Variants in KCNN2 observed in about 807,000 individuals in gnomAD.
KCNN2 encodes the protein small conductance calcium-activated potassium channel protein 2.
A neutral mutation model predicts 55.5 loss-of-function variants in KCNN2; 24 were observed. That is an observed-to-expected ratio of 0.43 (90% CI 0.31 to 0.61). The LOEUF is 0.61. KCNN2 is among the 20% of genes least tolerant of loss of function. KCNN2 has a pLI of 0.08. For missense variants in KCNN2, 754 were observed against 853.6 expected, an observed-to-expected ratio of 0.88 and a Z score of 1.45; for synonymous variants, 431 against 336.1, an observed-to-expected ratio of 1.28 and a Z score of -3.09.
chr5:114,265,845 C>A (rs1755199426), intron 2 of KCNN2, among the ~76,000 whole-genome samples: 1 of 152,100 alleles, frequency 6.6e-6, no homozygotes, highest in Admixed American at 6.6e-5. Flanking sequence ...TGACTACTCA[C>A]CCTGTGCTCT....
chr5:114,127,773 C>T (rs1681402465), intron 1 of KCNN2, among the ~76,000 whole-genome samples: 1 of 152,168 alleles, frequency 6.6e-6, no homozygotes, highest in Non-Finnish European at 1.5e-5. Context: ...GCTCTGCTTT[C>T]TCTTGAATGC....
intron 2 of KCNN2, among the ~76,000 whole-genome samples, chr5:114,391,775 T>C (rs1244892926): frequency 6.6e-6 from 1 of 152,322 alleles, no homozygotes; most frequent in Admixed American, 6.5e-5. Context: ...TACTTTCAGC[T>C]GCTCAAGTAA....
At chr5:114,138,393 A>C (rs1443087884) in intron 1 of KCNN2, among the ~76,000 whole-genome samples, 2 of 152,112 alleles carry the variant, frequency 1.3e-5, no homozygotes, top group African/African-American at 4.8e-5. Flanking sequence ...AGAGGGGTTT[A>C]ATATTTTTGA....
chr5:114,293,099 A>G (rs1052797919), intron 2 of KCNN2, among the ~76,000 whole-genome samples: 42 of 152,260 alleles, frequency 2.8e-4, no homozygotes, highest in African/African-American at 9.1e-4. Context: ...GGGCTGAGAC[A>G]ATGGGGTTTT....
intron 1 of KCNN2, among the ~76,000 whole-genome samples, chr5:114,160,488 G>T (rs952627621): frequency 2.0e-5 from 3 of 152,140 alleles, no homozygotes; most frequent in Non-Finnish European, 2.9e-5. Context: ...CTGTTGATTT[G>T]GGGTGGAGAG....
chr5:114,306,253 G>C (rs1756267607), intron 2 of KCNN2, among the ~76,000 whole-genome samples: 1 of 152,192 alleles, frequency 6.6e-6, no homozygotes, highest in Non-Finnish European at 1.5e-5. Flanking sequence ...AGTCTATGTT[G>C]ATCTCTCCAA....
At chr5:114,286,464 A>G (rs1755755700) in intron 2 of KCNN2, among the ~76,000 whole-genome samples, 1 of 152,224 alleles carries the variant, frequency 6.6e-6, no homozygotes, top group South Asian at 2.1e-4. Context: ...TCGATCATCC[A>G]GAGAAGTTAA....
At chr5:114,409,769 T>C (rs963943965) in intron 3 of KCNN2, among the ~76,000 whole-genome samples, 3 of 152,180 alleles carry the variant, frequency 2.0e-5, no homozygotes, top group Admixed American at 2.0e-4. Flanking sequence ...TCTGTATTAA[T>C]GGGGAGAGCA....
chr5:114,168,019 G>A (rs1263056204), intron 1 of KCNN2, among the ~76,000 whole-genome samples: 2 of 152,052 alleles, frequency 1.3e-5, no homozygotes, highest in South Asian at 2.1e-4. Context: ...ATTGCGAGTA[G>A]CATGTGAGTA....
intron 2 of KCNN2, among the ~76,000 whole-genome samples, chr5:114,401,978 T>C (rs1758802528): frequency 1.3e-5 from 2 of 152,056 alleles, no homozygotes; most frequent in South Asian, 4.2e-4. Flanking sequence ...CAATGGAAGA[T>C]AGGAGGAATA....
At chr5:114,068,581 AG>A (rs1194204166) in intron 1 of KCNN2, among the ~76,000 whole-genome samples, 3 of 152,290 alleles carry the variant, frequency 2.0e-5, no homozygotes, top group African/African-American at 7.2e-5. Flanking sequence ...CCTCACACAT[AG>A]CACTCACTGA....
intron 1 of KCNN2, among the ~76,000 whole-genome samples, chr5:114,124,015 G>T (rs1009151292): frequency 1.3e-5 from 2 of 152,138 alleles, no homozygotes; most frequent in Non-Finnish European, 2.9e-5. Flanking sequence ...CACAGAAAAA[G>T]CTAAATCTCA....
rs530194633 is a variant in KCNN2 at position 114,345,807 on chromosome 5, G to A, written c.-184-15138G>A. 9.9e-5 allele frequency among the ~76,000 whole-genome samples: 15 copies of A among 152,200 alleles called. No homozygotes were observed. The East Asian group carries it at 1.4e-3, about 14-fold the overall frequency. On this transcript the variant is annotated intron_variant, in intron 2 of 10. Coordinates refer to the KCNN2 transcript ENST00000512097. Reference sequence around the variant, plus strand: ...TATTTTTTATTTTTTTTGAGATGGAGTTTCGCTCTGTCACCCAGGCTGGAC... The same window carrying A: ...TATTTTTTATTTTTTTTGAGATGGAATTTCGCTCTGTCACCCAGGCTGGAC...
At chr5:114,130,829 G>A (rs1290081197) in intron 1 of KCNN2, among the ~76,000 whole-genome samples, 5 of 152,270 alleles carry the variant, frequency 3.3e-5, no homozygotes, top group Admixed American at 2.0e-4. Context: ...AACACTGTAT[G>A]TCTATTGATG....
At chr5:114,275,795 A>G (rs1318693234) in intron 2 of KCNN2, among the ~76,000 whole-genome samples, 1 of 151,756 alleles carries the variant, frequency 6.6e-6, no homozygotes, top group Non-Finnish European at 1.5e-5. Flanking sequence ...GGATTCATTG[A>G]TTTTTTGAAG....
At chr5:114,487,348 T>C (rs985303634) in intron 6 of KCNN2, among the ~76,000 whole-genome samples, 171 bp downstream of exon 6, 3 of 152,184 alleles carry the variant, frequency 2.0e-5, no homozygotes, top group African/African-American at 7.2e-5. Flanking sequence ...GAGAATAACC[T>C]CAGTTCCTTT....
At chr5:114,209,964 TAGAC>T (rs1478300717) in intron 1 of KCNN2, among the ~76,000 whole-genome samples, 8 of 152,206 alleles carry the variant, frequency 5.3e-5, no homozygotes, top group African/African-American at 1.2e-4. Context: ...TTATTGTTCA[TAGAC>T]AGGTGGAGAG....
intron 3 of KCNN2, among the ~76,000 whole-genome samples, chr5:114,422,746 C>T (rs2150082004): frequency 6.6e-6 from 1 of 152,302 alleles, no homozygotes; most frequent in South Asian, 2.1e-4. Flanking sequence ...TTGTGTACAG[C>T]TGTGGGCTGT....
chr5:114,205,675 C>A (rs991124236), intron 1 of KCNN2, among the ~76,000 whole-genome samples: 1 of 152,084 alleles, frequency 6.6e-6, no homozygotes, highest in African/African-American at 2.4e-5. Context: ...AATGGGCCTT[C>A]GGGAGCTTAT....
Sources: allele counts gnomAD v4.1 joint callset (sites outside exome capture counted in the v4.1 genomes callset), GRCh38; gene constraint gnomAD v4.1.1; transcripts MANE v1.5; gene names NCBI Gene and HGNC (gene_info 2026-07-23, HGNC 2026-07-21).